CCNY: variants seen among roughly 807,000 people sequenced by gnomAD.
CCNY encodes the protein cyclin Y.
Under a neutral mutation model 42.8 loss-of-function variants are expected in CCNY, and 19 were observed. The observed-to-expected ratio is 0.44, with a 90% CI of 0.31 to 0.65. The LOEUF (loss-of-function observed/expected upper bound fraction) is 0.65, where lower values mean the gene tolerates loss of function less well. Among genes scored for constraint, CCNY ranks in the 30% least tolerant of loss-of-function variants. The pLI is 0.07. For missense variants in CCNY, 370 were observed against 437.3 expected, an observed-to-expected ratio of 0.85 and a Z score of 1.37; for synonymous variants, 165 against 162.7, an observed-to-expected ratio of 1.01 and a Z score of -0.11.
intron 1 of CCNY, among the ~76,000 whole-genome samples, chr10:35,406,437 G>C (rs1837773877): frequency 6.6e-6 from 1 of 151,698 alleles, no homozygotes; most frequent in African/African-American, 2.4e-5. Flanking sequence ...GACTCTCAAC[G>C]AGCATGCTGC....
intron 1 of CCNY, among the ~76,000 whole-genome samples, chr10:35,349,423 T>C (rs1327827580): frequency 6.6e-6 from 1 of 152,216 alleles, no homozygotes; most frequent in Non-Finnish European, 1.5e-5. Flanking sequence ...GCCCTCTTTG[T>C]CTGGCTTTAA....
At position 35,571,859 on chromosome 10, in the gene CCNY, C is replaced by T. The variant is rs1841692091; in HGVS notation, c.*2689C>T. On this transcript the variant is annotated 3_prime_UTR_variant, in exon 10 of 10. Transcript: ENST00000374704. ...GTCATTAAGGATGAAGGAAACGACA[C>T]AATTTGTTACTTTAATTTTATATTT... 1.3e-5 allele frequency: 2 copies of T among 152,208 alleles called. No individual in the cohort carries two copies. Among genetic ancestry groups the T allele is most frequent in the African/African-American group, 4.8e-5 (2 of 41,400 alleles). The allele number at this position is 152,208 out of a possible 1,614,324, so 9.4% of individuals were successfully genotyped here.
At chr10:35,430,186 A>T (rs892519873) in intron 1 of CCNY, among the ~76,000 whole-genome samples, 1 of 150,594 alleles carries the variant, frequency 6.6e-6, no homozygotes, top group Non-Finnish European at 1.5e-5. Flanking sequence ...AAATACAAAA[A>T]ATTAGCCGGG....
At chr10:35,307,817 TA>T (rs1205257349) in intron 3 of CCNY, among the ~76,000 whole-genome samples, 10,252 of 57,190 alleles carry the variant, frequency 0.18, 1,012 homozygotes, top group South Asian at 0.35. Context: ...TATATATATA[TA>T]TTTTTTTTTT....
At chr10:35,538,193 C>T (rs542509184) in intron 7 of CCNY, among the ~76,000 whole-genome samples, 1 of 152,324 alleles carries the variant, frequency 6.6e-6, no homozygotes, top group East Asian at 1.9e-4. Context: ...CTTCCCCAGC[C>T]ATGTGGAACT....
intron 8 of CCNY, among the ~76,000 whole-genome samples, chr10:35,553,960 A>G (rs774648395): frequency 1.2e-3 from 178 of 152,214 alleles, no homozygotes; most frequent in Non-Finnish European, 1.5e-3. Flanking sequence ...AGATAGCACT[A>G]CTTGACTTAC....
chr10:35,273,813 C>T (rs1046657220), intron 3 of CCNY, among the ~76,000 whole-genome samples: 3 of 152,174 alleles, frequency 2.0e-5, no homozygotes, highest in Non-Finnish European at 4.4e-5. Flanking sequence ...GGGCTTACCA[C>T]AAACTCCCTA....
intron 4 of CCNY, among the ~76,000 whole-genome samples, chr10:35,524,534 G>A (rs939775102): frequency 3.9e-5 from 6 of 152,182 alleles, no homozygotes; most frequent in African/African-American, 1.2e-4. Flanking sequence ...CTGAGTAAGC[G>A]GAAATGTTCG....
chr10:35,456,568 C>T lies in CCNY; in HGVS notation c.155-26836C>T, dbSNP rs189768796. Among the ~76,000 whole-genome samples, 283 of 152,236 alleles carry T rather than the reference C, an allele frequency of 1.9e-3. 1 individual carries two copies. The highest frequency in any genetic ancestry group is 3.8e-3 in the Admixed American group (58 of 15,292). On this transcript the variant is annotated intron_variant, in intron 1 of 9. Coordinates refer to ENST00000374704, the MANE Select transcript of CCNY (RefSeq NM_145012.6). ...GCCTATTATCCATCCTTCCAAAGCT[C>T]GACAGACTTGATTAAATTCAGAACC...
rs1710421666 is a variant in CCNY, at chr10:35,529,890, A to G, written c.402-83A>G. On this transcript the variant is annotated intron_variant, in intron 5 of 9. Transcript: ENST00000374704. Reference sequence around the variant, plus strand: ...GTATCCCAAAAAAAAAAAAAAAGTCATTGAATTAAAATGTATTTTTGTTTT... The same window carrying G: ...GTATCCCAAAAAAAAAAAAAAAGTCGTTGAATTAAAATGTATTTTTGTTTT... 2.3e-6 allele frequency: 3 copies of G among 1,295,022 alleles called. No homozygotes were observed. The South Asian group carries it at 3.8e-5, about 17-fold the overall frequency. The allele number at this position is 1,295,022 out of a possible 1,614,324, so 80.2% of individuals were successfully genotyped here. A position where few individuals can be genotyped will look rare whatever the true frequency, so the allele number is the denominator to read the frequency against.
chr10:35,568,644 T>C (rs1185912851), intron 9 of CCNY, among the ~76,000 whole-genome samples: 2 of 152,234 alleles, frequency 1.3e-5, no homozygotes, highest in African/African-American at 4.8e-5. Context: ...GAGGCTCAGC[T>C]CCAAGCCCGT....
At chr10:35,340,120 CCTTA>C (rs1836143886) in intron 1 of CCNY, among the ~76,000 whole-genome samples, 3 of 152,048 alleles carry the variant, frequency 2.0e-5, no homozygotes, top group Admixed American at 2.0e-4. Context: ...GTAATATTAC[CCTTA>C]CTTTAAGACA....
chr10:35,538,417 G>A (rs1294818536), intron 7 of CCNY, among the ~76,000 whole-genome samples: 1 of 152,176 alleles, frequency 6.6e-6, no homozygotes, highest in East Asian at 1.9e-4. Flanking sequence ...CACAATTTCA[G>A]ATTTCCTTTG....
intron 1 of CCNY, among the ~76,000 whole-genome samples, chr10:35,441,171 C>T (rs1838658922): frequency 6.6e-6 from 1 of 152,194 alleles, no homozygotes. Context: ...GGTGTTTTGG[C>T]CTCTTCTGAA....
intron 1 of CCNY, among the ~76,000 whole-genome samples, chr10:35,432,894 C>T (rs1838444030): frequency 6.6e-6 from 1 of 152,188 alleles, no homozygotes; most frequent in Admixed American, 6.5e-5. Context: ...TTTTTGCCAG[C>T]ATCTTATTTG....
chr10:35,549,429 C>T (rs191613264), intron 7 of CCNY, among the ~76,000 whole-genome samples: 1,644 of 148,038 alleles, frequency 0.011, 5 homozygotes, highest in Non-Finnish European at 0.017. Flanking sequence ...CTACAGTGCT[C>T]GTGACCCTGC....
chr10:35,364,451 G>T (rs1272425411), intron 1 of CCNY, among the ~76,000 whole-genome samples: 1 of 152,154 alleles, frequency 6.6e-6, no homozygotes, highest in Admixed American at 6.5e-5. Context: ...CTGACCATCA[G>T]ATGTATGTTT....
intron 3 of CCNY, among the ~76,000 whole-genome samples, chr10:35,268,811 G>T (rs894814385): frequency 6.6e-6 from 1 of 152,208 alleles, no homozygotes; most frequent in African/African-American, 2.4e-5. Flanking sequence ...CCTGCTGGAG[G>T]CACAGCCAGA....
At chr10:35,549,227 A>C (rs1185576280) in intron 7 of CCNY, among the ~76,000 whole-genome samples, 4 of 151,732 alleles carry the variant, frequency 2.6e-5, no homozygotes, top group African/African-American at 9.7e-5. Flanking sequence ...AAAATAAGCC[A>C]CAAGGAAGCT....
Sources: allele counts gnomAD v4.1 joint callset (sites outside exome capture counted in the v4.1 genomes callset), GRCh38; gene constraint gnomAD v4.1.1; transcripts MANE v1.5; gene names NCBI Gene and HGNC (gene_info 2026-07-23, HGNC 2026-07-21).